Variants in CUL3 observed in about 807,000 individuals in gnomAD.
CUL3 encodes cullin 3.
CUL3 carries 19 observed loss-of-function variants against 89.1 expected under a neutral mutation model. The observed-to-expected ratio is 0.21, with a 90% confidence interval of 0.15 to 0.31. The LOEUF is 0.31. Ranked by LOEUF, CUL3 falls within the 10% of genes least tolerant of loss-of-function variation. CUL3 has a pLI of 1.00. For missense variants in CUL3, 469 were observed against 942.3 expected (o/e 0.50, Z 6.58); for synonymous variants, 351 against 308.4 (o/e 1.14, Z -1.45).
chr2:224,530,477 T>C (rs1466482253), intron 3 of CUL3, among the ~76,000 whole-genome samples: 3 of 152,198 alleles, frequency 2.0e-5, no homozygotes, highest in Non-Finnish European at 2.9e-5. Context: ...AGAGAAAAAC[T>C]TTTTTGATTT....
rs1693377277 is a variant in CUL3, at chr2:224,524,151, T to C, written c.379-9379A>G. On this transcript the variant is annotated intron_variant, in intron 3 of 15. Coordinates refer to ENST00000264414, the MANE Select transcript of CUL3 (RefSeq NM_003590.5). ...AAGAGTAACAAAGGCAACCTAGACT[T>C]GTAGGGCCAAGATTCCGGAGAAAAG... Among the ~76,000 whole-genome samples, 5 of 152,104 alleles carry C rather than the reference T, an allele frequency of 3.3e-5. No individual in the cohort carries two copies. The South Asian group carries it at 1.0e-3, about 32-fold the overall frequency.
intron 6 of CUL3, among the ~76,000 whole-genome samples, chr2:224,508,553 TTAC>T (rs1211680385): frequency 6.6e-6 from 1 of 152,238 alleles, no homozygotes; most frequent in African/African-American, 2.4e-5. Flanking sequence ...TGTACATAAA[TTAC>T]TACAATTTCA....
At chr2:224,524,822 G>T (rs1236696722) in intron 3 of CUL3, among the ~76,000 whole-genome samples, 2 of 151,998 alleles carry the variant, frequency 1.3e-5, no homozygotes, top group African/African-American at 4.8e-5. Context: ...AGGATCAAAA[G>T]TATAAAAACC....
At chr2:224,559,451 T>G (rs1179711556) in intron 1 of CUL3, among the ~76,000 whole-genome samples, 2 of 103,366 alleles carry the variant, frequency 1.9e-5, no homozygotes, top group East Asian at 2.9e-4. Flanking sequence ...AGATTGTGTC[T>G]CAAAAAAAAA....
chr2:224,540,312 C>T (rs1417611445), intron 2 of CUL3, among the ~76,000 whole-genome samples: 1 of 151,912 alleles, frequency 6.6e-6, no homozygotes, highest in African/African-American at 2.4e-5. Flanking sequence ...CTCGCCTCGG[C>T]CTCCCAAGGT....
chr2:224,564,232 G>A (rs1694984575), intron 1 of CUL3, among the ~76,000 whole-genome samples: 3 of 152,324 alleles, frequency 2.0e-5, no homozygotes, highest in South Asian at 2.1e-4. Flanking sequence ...GCACTGAGCT[G>A]ACATTGTGGC....
In CUL3 at chr2:224,511,028, C is replaced by T. The variant is rs549609455; in HGVS notation, c.883+326G>A. Among the ~76,000 whole-genome samples the T allele has an allele frequency of 5.3e-5, 8 of 152,228 alleles. No homozygotes were observed. The East Asian group carries it at 1.5e-3, about 29-fold the overall frequency. ...AGAGTATGTAGGACTAAAGAGAGCC[C>T]ACACCCTTTGGTATACAGGAAGTAC... is the stretch of plus-strand genomic sequence containing the variant. On this transcript the variant is annotated intron_variant, in intron 6 of 15. Coordinates refer to ENST00000264414, the MANE Select transcript of CUL3 (RefSeq NM_003590.5).
At chr2:224,484,870 C>T (rs1691660061) in intron 13 of CUL3, among the ~76,000 whole-genome samples, 1 of 152,188 alleles carries the variant, frequency 6.6e-6, no homozygotes, top group Non-Finnish European at 1.5e-5. Context: ...CAGCTCCGAT[C>T]TGCAGCTCCC....
In CUL3 at chr2:224,478,483, C is replaced by T. The variant is rs777469049; in HGVS notation, c.2030-138G>A. 7.9e-5 allele frequency: 52 copies of T among 655,896 alleles called. No individual in the cohort carries two copies. The Middle Eastern group carries it at 9.1e-4, about 11-fold the overall frequency. The allele number at this position is 655,896 out of a possible 1,614,324, so 40.6% of individuals were successfully genotyped here. On this transcript the variant is annotated intron_variant, in intron 14 of 15. Transcript: ENST00000264414. ...ATATACACACTTATTAATTCAAGTACGCATTCAGAAACTGTCTTAATGTTT... is the reference window on the plus strand; with the variant it reads ...ATATACACACTTATTAATTCAAGTATGCATTCAGAAACTGTCTTAATGTTT...
rs528484015 is a variant in CUL3 at position 224,493,578 on chromosome 2, T to C, written c.1842+2254A>G. 2.0e-5 allele frequency among the ~76,000 whole-genome samples: 3 copies of C among 152,350 alleles called. No homozygotes were observed. In the East Asian group the frequency reaches 5.8e-4, roughly 29 times the overall value. On this transcript the variant is annotated intron_variant, in intron 13 of 15. Transcript: ENST00000264414. ...TAATTTTAACCTTCCATCTAATAAC[T>C]GCTTATTAGCATCAATGATTCCAAG...
chr2:224,565,118 C>T (rs1270530341), intron 1 of CUL3, among the ~76,000 whole-genome samples: 1 of 152,088 alleles, frequency 6.6e-6, no homozygotes, highest in Non-Finnish European at 1.5e-5. Flanking sequence ...ACTTTTAAGT[C>T]CCCCAACTAC....
intron 1 of CUL3, among the ~76,000 whole-genome samples, chr2:224,583,123 A>G (rs1338517862): frequency 4.6e-5 from 7 of 152,318 alleles, no homozygotes; most frequent in Admixed American, 4.6e-4. Flanking sequence ...TCACTCCTGT[A>G]ATCCCAGCAC....
intron 2 of CUL3, among the ~76,000 whole-genome samples, chr2:224,545,518 T>C (rs1694261589): frequency 6.6e-6 from 1 of 152,230 alleles, no homozygotes; most frequent in African/African-American, 2.4e-5. Context: ...ATTCTTACTC[T>C]TTGCTTTAAG....
chr2:224,568,877 C>T (rs1283691829), intron 1 of CUL3, among the ~76,000 whole-genome samples: 5 of 152,272 alleles, frequency 3.3e-5, no homozygotes, highest in Non-Finnish European at 7.4e-5. Context: ...ATCAAATGCA[C>T]GTCAACATCC....
chr2:224,484,385 C>T (rs913136357), intron 13 of CUL3, among the ~76,000 whole-genome samples: 1 of 152,084 alleles, frequency 6.6e-6, no homozygotes, highest in African/African-American at 2.4e-5. Flanking sequence ...TTTATATTTA[C>T]AGGATATCTG....
chr2:224,493,415 CT>C (rs1201003053), intron 13 of CUL3, among the ~76,000 whole-genome samples: 1 of 152,182 alleles, frequency 6.6e-6, no homozygotes, highest in South Asian at 2.1e-4. Flanking sequence ...TTTCTTGTGC[CT>C]TCTCACAATG....
chr2:224,555,472 AAAT>A (rs1278254515), intron 2 of CUL3, among the ~76,000 whole-genome samples: 2 of 152,132 alleles, frequency 1.3e-5, no homozygotes, highest in Non-Finnish European at 2.9e-5. Context: ...CACCCACTTA[AAAT>A]CACATCTTCA....
At chr2:224,543,406 A>G (rs1229865664) in intron 2 of CUL3, among the ~76,000 whole-genome samples, 1 of 152,244 alleles carries the variant, frequency 6.6e-6, no homozygotes, top group Non-Finnish European at 1.5e-5. Flanking sequence ...ATTAAAAAGT[A>G]TCACAGAGGT....
rs909425298 is a variant in CUL3 at position 224,557,655 on chromosome 2, A to T, written c.264+4T>A. On this transcript the variant is annotated splice_donor_region_variant and intron_variant, in intron 2 of 15. Transcript: ENST00000264414. ...ATTAGCAACAGTCCTTTAAAGTTTG[A>T]TACCTTATTTATGAGATGTTCGGTA... 1.3e-6 allele frequency: 2 copies of T among 1,595,762 alleles called. No homozygotes were observed. The highest frequency in any genetic ancestry group is 1.7e-6 in the Non-Finnish European group (2 of 1,165,436).
Sources: allele counts gnomAD v4.1 joint callset (sites outside exome capture counted in the v4.1 genomes callset), GRCh38; gene constraint gnomAD v4.1.1; transcripts MANE v1.5; gene names NCBI Gene and HGNC (gene_info 2026-07-23, HGNC 2026-07-21).